The following JMJD1C variants were observed in gnomAD, a reference collection of about 807,000 sequenced individuals.
The protein encoded by JMJD1C is jumonji domain containing 1C.
JMJD1C carries 31 observed loss-of-function variants against 245.3 expected under a neutral mutation model. The observed-to-expected ratio is 0.13, with a 90% CI of 0.09 to 0.17. The LOEUF (loss-of-function observed/expected upper bound fraction) is 0.17, where lower values mean the gene tolerates loss of function less well. JMJD1C is among the 10% of genes least tolerant of loss of function. The pLI is 1.00. For synonymous variants in JMJD1C, 1,057 were observed against 1,017.4 expected, an observed-to-expected ratio of 1.04 and a Z score of -0.74; for missense variants, 2,691 against 3,000.2, an observed-to-expected ratio of 0.90 and a Z score of 2.41.
intron 1 of JMJD1C, among the ~76,000 whole-genome samples, chr10:63,390,477 A>AGG (rs1385602122): frequency 2.0e-5 from 3 of 152,158 alleles, no homozygotes; most frequent in Non-Finnish European, 4.4e-5. Context: ...CTTCTCCTCA[A>AGG]ACTAGTCCAA....
At chr10:63,359,934 C>T (rs541470330) in intron 2 of JMJD1C, among the ~76,000 whole-genome samples, 1 of 151,698 alleles carries the variant, frequency 6.6e-6, no homozygotes, top group South Asian at 2.1e-4. Flanking sequence ...TTAAAAATAC[C>T]TTTTGTTCCT....
At chr10:63,461,493 AG>A (rs1952797000) in intron 1 of JMJD1C, among the ~76,000 whole-genome samples, 1 of 152,218 alleles carries the variant, frequency 6.6e-6, no homozygotes, top group Admixed American at 6.5e-5. Context: ...AAAAACAAAA[AG>A]GGGTTTTATT....
chr10:63,364,001 A>C (rs1166216723), intron 2 of JMJD1C, among the ~76,000 whole-genome samples: 5 of 151,800 alleles, frequency 3.3e-5, no homozygotes, highest in Admixed American at 2.0e-4. Context: ...GATTACAGTA[A>C]TGCGCCACCA....
intron 1 of JMJD1C, among the ~76,000 whole-genome samples, chr10:63,408,008 A>T (rs1295889682): frequency 6.6e-6 from 1 of 152,140 alleles, no homozygotes; most frequent in Non-Finnish European, 1.5e-5. Flanking sequence ...GAGAAACGTA[A>T]CAGAGAAAAA....
chr10:63,443,387 C>T (rs1402223907), intron 1 of JMJD1C, among the ~76,000 whole-genome samples: 1 of 152,192 alleles, frequency 6.6e-6, no homozygotes, highest in Non-Finnish European at 1.5e-5. Context: ...TCTTGGCTCA[C>T]TGCAACCTCT....
intron 2 of JMJD1C, 190 bp downstream of exon 2, chr10:63,380,128 G>C (rs1037596564): frequency 4.7e-6 from 2 of 428,852 alleles, no homozygotes; most frequent in Admixed American, 8.7e-5. Context: ...TTTTTTGGTA[G>C]AGATGGGGTC....
chr10:63,213,389 T>TA (rs1413435059), intron 8 of JMJD1C, 84 bp downstream of exon 8: 1 of 854,390 alleles, frequency 1.2e-6, no homozygotes, highest in African/African-American at 1.7e-5. Flanking sequence ...GGAAATGACC[T>TA]AAAAAATAGA....
chr10:63,412,033 T>C (rs1159675017), intron 1 of JMJD1C, among the ~76,000 whole-genome samples: 2 of 151,502 alleles, frequency 1.3e-5, no homozygotes, highest in Non-Finnish European at 2.9e-5. Context: ...AGTGCTGGGA[T>C]TACAGGCTTG....
At chr10:63,216,693 G>A (rs955485423) in intron 5 of JMJD1C, among the ~76,000 whole-genome samples, 1 of 151,902 alleles carries the variant, frequency 6.6e-6, no homozygotes, top group African/African-American at 2.4e-5. Flanking sequence ...CTGGGCGACA[G>A]AGCGAGACTC....
chr10:63,276,746 C>T lies in JMJD1C; in HGVS notation c.334-11982G>A, dbSNP rs147722421. Among the ~76,000 whole-genome samples, 284 of 152,200 alleles carry T rather than the reference C, an allele frequency of 1.9e-3. 1 individual carries two copies. The highest frequency in any genetic ancestry group is 7.3e-3 in the Admixed American group (111 of 15,286). ...CCAGTGCTGGGATTACAGACTTGAGCCATGGCACCCTACCAGGAAACCAAT... is the reference window on the plus strand; with the variant it reads ...CCAGTGCTGGGATTACAGACTTGAGTCATGGCACCCTACCAGGAAACCAAT... On this transcript the variant is annotated intron_variant, in intron 2 of 25. Coordinates refer to ENST00000399262, the MANE Select transcript of JMJD1C (RefSeq NM_032776.3).
chr10:63,502,530 C>T (rs1954591605), intron 1 of JMJD1C, among the ~76,000 whole-genome samples: 2 of 149,720 alleles, frequency 1.3e-5, no homozygotes, highest in South Asian at 4.2e-4. Context: ...CCCAGCTACT[C>T]GGGAGGCTGA....
intron 1 of JMJD1C, among the ~76,000 whole-genome samples, chr10:63,445,659 TCTGA>T (rs1951669377): frequency 6.6e-6 from 1 of 152,102 alleles, no homozygotes; most frequent in African/African-American, 2.4e-5. Flanking sequence ...AGTAACATAA[TCTGA>T]CTGTTTGCTA....
chr10:63,334,868 C>T (rs1011952939), intron 2 of JMJD1C, among the ~76,000 whole-genome samples: 4 of 151,838 alleles, frequency 2.6e-5, no homozygotes, highest in Middle Eastern at 3.2e-3. Context: ...TCACCACATC[C>T]GGCTAATTTT....
chr10:63,231,622 C>T (rs7069791), intron 3 of JMJD1C, among the ~76,000 whole-genome samples: 3,278 of 152,058 alleles, frequency 0.022, 115 homozygotes, highest in African/African-American at 0.073. Context: ...GGTGAAACTC[C>T]GTCTCTACTA....
At chr10:63,268,562 T>A (rs765053394) in intron 2 of JMJD1C, 15 of 254,706 alleles carry the variant, frequency 5.9e-5, no homozygotes, top group Non-Finnish European at 9.3e-5. Context: ...TGAGGCCAGA[T>A]CTTTTATAAA....
chr10:63,329,028 T>C (rs763949456), intron 2 of JMJD1C, among the ~76,000 whole-genome samples: 8 of 152,144 alleles, frequency 5.3e-5, no homozygotes, highest in Non-Finnish European at 1.2e-4. Context: ...ATGCCTATAA[T>C]CCCAGCACTT....
At position 63,214,464 on chromosome 10, in the gene JMJD1C, T is replaced by C. The variant is rs201464655; in HGVS notation, c.1703A>G (p.Asp568Gly). 6.2e-7 allele frequency: 1 copy of C among 1,614,010 alleles called. No homozygotes were observed. Among genetic ancestry groups the C allele is most frequent in the Non-Finnish European group, 8.5e-7 (1 of 1,179,978 alleles). The change falls in exon 8 of 26, where the codon GAT (aspartate) becomes GGT (glycine). Residue 568 changes from aspartate to glycine, a missense_variant. Asp to Gly is a moderately conservative substitution (Grantham distance 94). Around this residue, in one of 9 missense-constraint regions of JMJD1C, gnomAD observed 1,562 missense variants for 1,490.7 expected, o/e 1.05. Transcript: ENST00000399262. Reference protein sequence around the residue: ...KKDSDQSWVSDVVKVDLTQSS... With the variant: ...KKDSDQSWVSGVVKVDLTQSS... ...TTGGGTTAGATCCACTTTAACTACATCACTGACCCAGCTCTGGTCAGAATC... is the reference window on the plus strand; with the variant it reads ...TTGGGTTAGATCCACTTTAACTACACCACTGACCCAGCTCTGGTCAGAATC...
intron 1 of JMJD1C, among the ~76,000 whole-genome samples, chr10:63,393,069 C>A (rs374182577): frequency 5.3e-4 from 81 of 152,152 alleles, no homozygotes; most frequent in African/African-American, 1.9e-3. Flanking sequence ...GAGTTTGAGG[C>A]CAGCCTGGGC....
chr10:63,515,851 C>CA (rs1167078127), intron 1 of JMJD1C, among the ~76,000 whole-genome samples: 3 of 152,030 alleles, frequency 2.0e-5, no homozygotes, highest in Non-Finnish European at 4.4e-5. Flanking sequence ...AAAAATCAGA[C>CA]AAAAAACCCT....
Sources: allele counts gnomAD v4.1 joint callset (sites outside exome capture counted in the v4.1 genomes callset), GRCh38; gene constraint gnomAD v4.1.1; regional missense constraint gnomAD v4.1.1; transcripts MANE v1.5; gene names NCBI Gene and HGNC (gene_info 2026-07-23, HGNC 2026-07-21).